The following ARHGEF1 variants were observed in gnomAD, a reference collection of about 807,000 sequenced individuals.
ARHGEF1 encodes the protein 115 kDa guanine nucleotide exchange factor.
A neutral mutation model predicts 119.7 loss-of-function variants in ARHGEF1; 40 were observed. That is an observed-to-expected ratio of 0.33 (90% CI 0.26 to 0.44). ARHGEF1 has a LOEUF of 0.44. Ranked by LOEUF, ARHGEF1 falls within the 20% of genes least tolerant of loss-of-function variation. The probability of loss-of-function intolerance (pLI) is 1.00; values close to 1 mark genes in which losing one functional copy is unlikely to be tolerated. For synonymous variants in ARHGEF1, 494 were observed against 521.0 expected (o/e 0.95, Z 0.71); for missense variants, 976 against 1,268.3 (o/e 0.77, Z 3.50).
At position 41,916,104 on chromosome 19, in the gene ARHGEF1, G is replaced by A. The variant is rs1294571328; in HGVS notation, c.1866-6988G>A. Among the ~76,000 whole-genome samples the A allele has an allele frequency of 1.3e-5, 2 of 151,800 alleles. No homozygotes were observed. The highest frequency in any genetic ancestry group is 3.9e-4 in the East Asian group (2 of 5,166). ...AGCGAAGCGGTGTGCAGAGGCGCTG[G>A]GCAGGCGAGGGCCCTCCTCCCTTCT... On this transcript the variant is annotated intron_variant, in intron 18 of 20. Coordinates refer to the ARHGEF1 transcript ENST00000599589. The surrounding 1 kb of genome is among the most constrained non-coding windows in gnomAD (Gnocchi z 5.4).
At chr19:41,895,268 C>T (rs556371521) in intron 11 of ARHGEF1, 81 bp from the exon 12 acceptor site, 3 of 1,517,148 alleles carry the variant, frequency 2.0e-6, no homozygotes, top group Non-Finnish European at 2.7e-6. Flanking sequence ...GGCCTGAGCA[C>T]AGCCTCTTGC....
Position 41,904,174 on chromosome 19 carries a change from G to T in ARHGEF1, c.1994-42G>T, listed in dbSNP as rs782078744. ...GCAGTGAGCCAAGGGCGGGGAGGGG[G>T]TCGCGCGGGGGCACGCCGTGTGAGC... On this transcript the variant is annotated intron_variant, in intron 21 of 28. Transcript: ENST00000354532. The surrounding 1 kb of genome is among the most constrained non-coding windows in gnomAD (Gnocchi z 8.4). 8 of 1,612,682 alleles carry T rather than the reference G, an allele frequency of 5.0e-6. No homozygotes were observed. The highest frequency in any genetic ancestry group is 1.3e-5 in the African/African-American group (1 of 75,014).
chr19:41,909,758 C>T (rs543080676), downstream of ARHGEF1: 13 of 1,284,446 alleles, frequency 1.0e-5, no homozygotes, highest in African/African-American at 1.5e-5. The surrounding 1 kb of genome is among the most constrained non-coding windows in gnomAD (Gnocchi z 5.2). Context: ...CAGCCCTGTG[C>T]CTTGTGGGAT....
In ARHGEF1 at chr19:41,906,148, A is replaced by G. The variant is rs1555850137; in HGVS notation, c.2491+123A>G. 2.1e-6 allele frequency: 2 copies of G among 953,206 alleles called. No individual in the cohort carries two copies. Among genetic ancestry groups the G allele is most frequent in the African/African-American group, 3.3e-5 (2 of 61,208 alleles). 59.0% of individuals were successfully genotyped at this position (953,206 alleles called of 1,614,324 possible). On this transcript the variant is annotated intron_variant, in intron 26 of 28. Transcript: ENST00000354532. This position sits in a 1 kb window ranked among gnomAD's most constrained non-coding sequence, Gnocchi z 4.5. ...CAGCTGCCAGAAAACAAATGCTCCA[A>G]ACCCACCCAGCCTGCACCACTGTCC...
chr19:41,892,820 G>A lies in ARHGEF1; in HGVS notation c.585G>A (p.Glu195=). ...SYEARERHVA[E]RLLMHLEEMQ... ...AGGCCCGGGAGCGGCACGTGGCGGA[G>A]CGGCTGCTCATGCACCTGGAGGAGA... is the stretch of plus-strand genomic sequence containing the variant. Residue 195 remains glutamate (E), a synonymous_variant, in exon 7 of 29, where the codon GAG becomes GAA. Coordinates refer to ENST00000354532, the MANE Select transcript of ARHGEF1 (RefSeq NM_004706.4). This position sits in a 1 kb window ranked among gnomAD's most constrained non-coding sequence, Gnocchi z 6.3. 6.3e-7 allele frequency: 1 copy of A among 1,577,500 alleles called. No homozygotes were observed. Among genetic ancestry groups the A allele is most frequent in the Non-Finnish European group, 8.6e-7 (1 of 1,165,744 alleles).
chr19:41,897,050 T>C, intron 13 of ARHGEF1: 2 of 435,564 alleles, frequency 4.6e-6, no homozygotes, highest in South Asian at 3.2e-5. Context: ...TTTTCATTTT[T>C]TCAGCCCTTC....
chr19:41,891,922 C>T (rs548161069), intron 4 of ARHGEF1, 103 bp from the exon 5 acceptor site: 2 of 975,372 alleles, frequency 2.1e-6, no homozygotes, highest in South Asian at 3.4e-5. Context: ...TTGAGTCCCA[C>T]AGCCATAGGA....
At chr19:41,920,737 C>T (rs1177027652), upstream of ARHGEF1, among the ~76,000 whole-genome samples, 1 of 152,230 alleles carries the variant, frequency 6.6e-6, no homozygotes, top group Non-Finnish European at 1.5e-5. Flanking sequence ...GGTCTTCTGC[C>T]TCGACTGCAC....
rs2074811006 is a variant in ARHGEF1 at position 41,917,798 on chromosome 19, C to T, written c.1866-5294C>T. Among the ~76,000 whole-genome samples the T allele has an allele frequency of 6.6e-6, 1 of 151,978 alleles. No individual in the cohort carries two copies. Among genetic ancestry groups the T allele is most frequent in the African/African-American group, 2.4e-5 (1 of 41,322 alleles). ...CCACAGTGACACCCACTAGTAGGCA[C>T]ACACACACCATGCACAGCCCCAGCC... On this transcript the variant is annotated intron_variant, in intron 18 of 20. Coordinates refer to the ARHGEF1 transcript ENST00000599589. This position sits in a 1 kb window ranked among gnomAD's most constrained non-coding sequence, Gnocchi z 4.8.
Position 41,913,076 on chromosome 19 carries a change from C to T in ARHGEF1, c.1865+6273C>T, listed in dbSNP as rs2074763483. 7.5e-6 allele frequency: 3 copies of T among 400,418 alleles called. No homozygotes were observed. The East Asian group carries it at 1.1e-4, about 14-fold the overall frequency. The allele number at this position is 400,418 out of a possible 1,614,324, so 24.8% of individuals were successfully genotyped here. On this transcript the variant is annotated intron_variant, in intron 18 of 20. Coordinates refer to the ARHGEF1 transcript ENST00000599589. ...CCCTCTCCCCGCAATCCCTCCTGCC[C>T]ACTCCCTCCCGCAGGCACCGCTCTG... is the stretch of plus-strand genomic sequence containing the variant.
intron 18 of ARHGEF1, among the ~76,000 whole-genome samples, chr19:41,914,190 G>C (rs1261052813): frequency 6.7e-6 from 1 of 148,258 alleles, no homozygotes; most frequent in Non-Finnish European, 1.5e-5. Flanking sequence ...CTGCCTCCTG[G>C]AGCCTCCCCT....
downstream of ARHGEF1, chr19:41,908,578 A>G (rs1215894632): frequency 7.3e-6 from 9 of 1,231,484 alleles, no homozygotes; most frequent in Non-Finnish European, 9.1e-6. This position sits in a 1 kb window ranked among gnomAD's most constrained non-coding sequence, Gnocchi z 6.7. Context: ...AGCTTGGGGA[A>G]GGGGCCCGTG....
At chr19:41,910,066 T>C (rs1025028431), downstream of ARHGEF1, 101 of 1,613,220 alleles carry the variant, frequency 6.3e-5, no homozygotes, top group Non-Finnish European at 8.4e-5. The surrounding 1 kb of genome is among the most constrained non-coding windows in gnomAD (Gnocchi z 4.4). Context: ...GGGATGACTC[T>C]GGCTTGTAGG....
rs1391969151 is a variant in ARHGEF1 at position 41,905,567 on chromosome 19, C to T, written c.2337-193C>T. ...TGCGCATGTGCCGACCCCACCACTG[C>T]CCCGTCTGTCTCCTGTCTCCAGGCC... On this transcript the variant is annotated intron_variant, in intron 24 of 28. Coordinates refer to ENST00000354532, the MANE Select transcript of ARHGEF1 (RefSeq NM_004706.4). The surrounding 1 kb of genome is among the most constrained non-coding windows in gnomAD (Gnocchi z 6.4). 6.3e-6 allele frequency: 4 copies of T among 638,430 alleles called. No individual in the cohort carries two copies. The highest frequency in any genetic ancestry group is 1.8e-5 in the African/African-American group (1 of 54,562). 39.5% of individuals were successfully genotyped at this position (638,430 alleles called of 1,614,324 possible).
At chr19:41,913,278 C>T (rs2074765212) in intron 18 of ARHGEF1, among the ~76,000 whole-genome samples, 1 of 151,072 alleles carries the variant, frequency 6.6e-6, no homozygotes, top group Admixed American at 6.6e-5. Flanking sequence ...CCCGCCCGCC[C>T]GCCGCTCGCG....
rs1275200726 is a variant in ARHGEF1 at position 41,907,117 on chromosome 19, A to G, written c.*30A>G. The G allele has an allele frequency of 1.3e-6, 2 of 1,526,174 alleles. No individual in the cohort carries two copies. Among genetic ancestry groups the G allele is most frequent in the South Asian group, 2.4e-5 (2 of 82,672 alleles). The allele number at this position is 1,526,174 out of a possible 1,614,324, so 94.5% of individuals were successfully genotyped here. ...CTACATCCCCCAGGCCTTTTGCAAG[A>G]AGGAGAGGAATGGGGGAGAGGACGT... On this transcript the variant is annotated 3_prime_UTR_variant, in exon 29 of 29. Coordinates refer to ENST00000354532, the MANE Select transcript of ARHGEF1 (RefSeq NM_004706.4).
At position 41,892,541 on chromosome 19, in the gene ARHGEF1, G is replaced by C; in HGVS notation, c.368-62G>C. The C allele has an allele frequency of 6.4e-7, 1 of 1,566,582 alleles. No individual in the cohort carries two copies. Among genetic ancestry groups the C allele is most frequent in the Admixed American group, 1.8e-5 (1 of 56,914 alleles). ...TGTGGCTGTTGGAGTCCAAGGGTGG[G>C]TGGGGACCGTGGTCCAAGCCACCAG... On this transcript the variant is annotated intron_variant, in intron 6 of 28. Coordinates refer to ENST00000354532, the MANE Select transcript of ARHGEF1 (RefSeq NM_004706.4). The surrounding 1 kb of genome is among the most constrained non-coding windows in gnomAD (Gnocchi z 6.3).
rs368646630 is a variant in ARHGEF1 at position 41,906,562 on chromosome 19, G to A, written c.2597G>A (p.Arg866Gln). Reference sequence around the variant, plus strand: ...GGGGGCGGCCCCCTGAGCCCAGCACGGACCCAGGAAATCCAGGAGAACCTG... The same window carrying A: ...GGGGGCGGCCCCCTGAGCCCAGCACAGACCCAGGAAATCCAGGAGAACCTG... The part of the protein sequence containing the change: ...VPGGGPLSPA[R>Q]TQEIQENLLS... The change falls in exon 27 of 29, where the codon CGG becomes CAG. Residue 866 changes from arginine (R) to glutamine (Q), a missense_variant. By Grantham distance (43) the Arg-to-Gln change is conservative (BLOSUM62 1). Around this residue, in one of 3 missense-constraint regions of ARHGEF1, gnomAD observed 171 missense variants for 180.6 expected, o/e 0.95. Transcript: ENST00000354532. This position sits in a 1 kb window ranked among gnomAD's most constrained non-coding sequence, Gnocchi z 4.5. 15 of 1,600,258 alleles carry A rather than the reference G, an allele frequency of 9.4e-6. No homozygotes were observed. Among genetic ancestry groups the A allele is most frequent in the Middle Eastern group, 3.3e-4 (2 of 6,006 alleles).
At chr19:41,925,524 A>C (rs2074866454) in intron 1 of ARHGEF1, among the ~76,000 whole-genome samples, 1 of 152,144 alleles carries the variant, frequency 6.6e-6, no homozygotes, top group Admixed American at 6.5e-5. Context: ...CAGGTGAGCA[A>C]GTGTACAAGG....
Sources: gnomAD v4.1 joint callset for allele counts (sites outside exome capture counted in the v4.1 genomes callset) on GRCh38, gnomAD v4.1.1 for gene constraint, gnomAD v4.1.1 regional missense constraint, Gnocchi (gnomAD v3.1) non-coding constraint, MANE v1.5 for transcripts, NCBI Gene and HGNC (gene_info 2026-07-23, HGNC 2026-07-21) for gene names.